The following RBMS3 variants were observed in gnomAD, a reference collection of about 807,000 sequenced individuals.
The protein encoded by RBMS3 is RNA binding motif single stranded interacting protein 3, also known as RNA-binding motif, single-stranded-interacting protein 3.
Under a neutral mutation model 66.8 loss-of-function variants are expected in RBMS3, and 27 were observed. The observed-to-expected ratio is 0.40, with a 90% CI of 0.30 to 0.56. The LOEUF (loss-of-function observed/expected upper bound fraction) is 0.56, where lower values mean the gene tolerates loss of function less well. Among genes scored for constraint, RBMS3 ranks in the 20% least tolerant of loss-of-function variants. The probability of loss-of-function intolerance (pLI) is 0.40; values close to 1 mark genes in which losing one functional copy is unlikely to be tolerated. For synonymous variants in RBMS3, 188 were observed against 183.0 expected (o/e 1.03, Z -0.22); for missense variants, 513 against 549.5 (o/e 0.93, Z 0.66).
intron 6 of RBMS3, among the ~76,000 whole-genome samples, chr3:29,822,134 GGT>G (rs2058090719): frequency 6.6e-6 from 1 of 152,148 alleles, no homozygotes; most frequent in Non-Finnish European, 1.5e-5. Flanking sequence ...CACAGTGGCA[GGT>G]GCTTCTCTTT....
At chr3:29,472,571 C>T (rs1049892211) in intron 2 of RBMS3, among the ~76,000 whole-genome samples, 11 of 151,850 alleles carry the variant, frequency 7.2e-5, no homozygotes, top group Non-Finnish European at 1.2e-4. Flanking sequence ...TTCTGATGTT[C>T]GGATGTGTTC....
At chr3:29,770,693 A>G (rs1211819957) in intron 6 of RBMS3, among the ~76,000 whole-genome samples, 1 of 152,026 alleles carries the variant, frequency 6.6e-6, no homozygotes, top group African/African-American at 2.4e-5. Context: ...TTTTGCTTCT[A>G]AGACCATGTT....
chr3:29,989,250 A>G (rs1264614885), intron 13 of RBMS3, among the ~76,000 whole-genome samples: 1 of 152,160 alleles, frequency 6.6e-6, no homozygotes, highest in African/African-American at 2.4e-5. Context: ...TGCCCTCTAC[A>G]CATCATTTTA....
Position 29,667,195 on chromosome 3 carries a change from G to A in RBMS3, c.400-72525G>A, listed in dbSNP as rs2050802133. Among the ~76,000 whole-genome samples the A allele has an allele frequency of 2.0e-5, 3 of 152,172 alleles. No homozygotes were observed. In the South Asian group the frequency reaches 6.2e-4, roughly 31 times the overall value. On this transcript the variant is annotated intron_variant, in intron 4 of 14. Transcript: ENST00000383767. Reference sequence around the variant, plus strand: ...GGACAAGCTATGGCAATCTGAATGAGATGAAATATGATTTTGAATAGATTG... The same window carrying A: ...GGACAAGCTATGGCAATCTGAATGAAATGAAATATGATTTTGAATAGATTG...
Position 29,300,040 on chromosome 3 carries a change from C to T in RBMS3, c.75+18284C>T, listed in dbSNP as rs555426557. Reference sequence around the variant, plus strand: ...ACACAAAAAAGCATAAATGAAGAAACAGAAATAGCTACCAAGCACTCAAAA... The same window carrying T: ...ACACAAAAAAGCATAAATGAAGAAATAGAAATAGCTACCAAGCACTCAAAA... On this transcript the variant is annotated intron_variant, in intron 1 of 14. Coordinates refer to ENST00000383767, the MANE Select transcript of RBMS3 (RefSeq NM_001003793.3). 2.9e-4 allele frequency among the ~76,000 whole-genome samples: 44 copies of T among 151,854 alleles called. 3 individuals are homozygous for T. In the South Asian group the frequency reaches 5.8e-3, roughly 20 times the overall value.
At chr3:29,371,529 A>G (rs529825548) in intron 1 of RBMS3, among the ~76,000 whole-genome samples, 1 of 152,238 alleles carries the variant, frequency 6.6e-6, no homozygotes, top group Non-Finnish European at 1.5e-5. Context: ...AAGGGACACC[A>G]TGCACCAATA....
chr3:29,982,780 G>T (rs1351151921), intron 12 of RBMS3, among the ~76,000 whole-genome samples: 1 of 152,070 alleles, frequency 6.6e-6, no homozygotes, highest in Non-Finnish European at 1.5e-5. Flanking sequence ...CTGAGAGACT[G>T]TTTGTTTTGA....
At chr3:29,428,768 A>T (rs2041064789) in intron 1 of RBMS3, among the ~76,000 whole-genome samples, 1 of 152,202 alleles carries the variant, frequency 6.6e-6, no homozygotes, top group South Asian at 2.1e-4. Context: ...CTGTTATTAA[A>T]TAACAAACCA....
In RBMS3 at chr3:29,806,757, T is replaced by C. The variant is rs537354949; in HGVS notation, c.637+43768T>C. Among the ~76,000 whole-genome samples the C allele has an allele frequency of 5.9e-5, 9 of 152,100 alleles. No homozygotes were observed. The South Asian group carries it at 1.4e-3, about 25-fold the overall frequency. On this transcript the variant is annotated intron_variant, in intron 6 of 14. Coordinates refer to ENST00000383767, the MANE Select transcript of RBMS3 (RefSeq NM_001003793.3). Reference sequence around the variant, plus strand: ...GACTGTGGTAAATTCTCTCTCACTTTATTCAGGTATGTCATGAATTCTATT... The same window carrying C: ...GACTGTGGTAAATTCTCTCTCACTTCATTCAGGTATGTCATGAATTCTATT...
intron 2 of RBMS3, among the ~76,000 whole-genome samples, chr3:29,443,459 C>T (rs1225836050): frequency 4.0e-5 from 6 of 151,886 alleles, no homozygotes; most frequent in Non-Finnish European, 7.4e-5. Context: ...TCATGAAAAG[C>T]AGGTTGTAAG....
At chr3:29,862,127 CCT>C (rs1290928843) in intron 6 of RBMS3, among the ~76,000 whole-genome samples, 1 of 152,164 alleles carries the variant, frequency 6.6e-6, no homozygotes, top group Admixed American at 6.5e-5. Flanking sequence ...AATATGCATT[CCT>C]CTTTCAGTTA....
chr3:29,284,968 T>A (rs1242119836), intron 1 of RBMS3, among the ~76,000 whole-genome samples: 2 of 145,614 alleles, frequency 1.4e-5, no homozygotes, highest in Non-Finnish European at 3.0e-5. Flanking sequence ...AATATTTAAA[T>A]AAGAAACAAC....
intron 11 of RBMS3, among the ~76,000 whole-genome samples, chr3:29,937,066 A>C (rs2061285181): frequency 6.6e-6 from 1 of 152,086 alleles, no homozygotes; most frequent in Non-Finnish European, 1.5e-5. Flanking sequence ...TAGAAATAAA[A>C]ATATGTTTTC....
At chr3:29,762,685 A>G (rs2055744670) in intron 5 of RBMS3, among the ~76,000 whole-genome samples, 1 of 152,118 alleles carries the variant, frequency 6.6e-6, no homozygotes, top group Non-Finnish European at 1.5e-5. Flanking sequence ...CTCAGAATAG[A>G]GCCCTCCACA....
chr3:29,863,031 A>G (rs530361408), intron 6 of RBMS3, among the ~76,000 whole-genome samples: 6 of 152,276 alleles, frequency 3.9e-5, no homozygotes, highest in African/African-American at 1.4e-4. Context: ...TGTGAATTTT[A>G]GTTCACCTAT....
intron 2 of RBMS3, among the ~76,000 whole-genome samples, chr3:29,470,722 T>C (rs531754933): frequency 2.5e-4 from 38 of 152,200 alleles, no homozygotes; most frequent in African/African-American, 8.7e-4. Context: ...TTATATACCC[T>C]GGAATGAAGA....
At chr3:29,514,274 G>T (rs921090417) in intron 3 of RBMS3, among the ~76,000 whole-genome samples, 5 of 152,030 alleles carry the variant, frequency 3.3e-5, no homozygotes, top group African/African-American at 1.2e-4. Flanking sequence ...CGTCTCTGGG[G>T]AATTTATGTG....
intron 1 of RBMS3, among the ~76,000 whole-genome samples, chr3:29,308,666 T>C (rs2034168556): frequency 6.7e-6 from 1 of 148,358 alleles, no homozygotes; most frequent in Admixed American, 6.8e-5. Context: ...TGTAAATGTC[T>C]AAAGGAATGG....
chr3:29,802,696 G>T (rs2057427251), intron 6 of RBMS3, among the ~76,000 whole-genome samples: 2 of 152,142 alleles, frequency 1.3e-5, no homozygotes, highest in Non-Finnish European at 2.9e-5. Flanking sequence ...AGCCTTGCAT[G>T]TCAATATCTA....
Sources: allele counts gnomAD v4.1 joint callset (sites outside exome capture counted in the v4.1 genomes callset), GRCh38; gene constraint gnomAD v4.1.1; transcripts MANE v1.5; gene names NCBI Gene and HGNC (gene_info 2026-07-23, HGNC 2026-07-21).